Variants in CNTNAP2 observed in about 807,000 individuals in gnomAD.
CNTNAP2 encodes contactin-associated protein-like 2.
Under a neutral mutation model 155.2 loss-of-function variants are expected in CNTNAP2, and 98 were observed. That is an observed-to-expected ratio of 0.63 (90% confidence interval 0.54 to 0.75). The LOEUF is 0.75. Ranked by LOEUF, CNTNAP2 falls within the 30% of genes least tolerant of loss-of-function variation. CNTNAP2 has a pLI of 0.00. For missense variants in CNTNAP2, 1,727 were observed against 1,688.1 expected, an observed-to-expected ratio of 1.02 and a Z score of -0.40; for synonymous variants, 651 against 631.2, an observed-to-expected ratio of 1.03 and a Z score of -0.47.
chr7:146,641,617 A>G (rs1425955688), intron 1 of CNTNAP2, among the ~76,000 whole-genome samples: 1 of 152,166 alleles, frequency 6.6e-6, no homozygotes, highest in Non-Finnish European at 1.5e-5. Flanking sequence ...TATGTGGGGT[A>G]ATGGAAGGCA....
chr7:147,133,751 T>C (rs1347722119), intron 8 of CNTNAP2, among the ~76,000 whole-genome samples: 1 of 152,036 alleles, frequency 6.6e-6, no homozygotes, highest in Non-Finnish European at 1.5e-5. Context: ...GGTCTATTAC[T>C]GAAAAGGATT....
chr7:147,006,881 G>T (rs2129242700), intron 3 of CNTNAP2, among the ~76,000 whole-genome samples: 1 of 152,122 alleles, frequency 6.6e-6, no homozygotes, highest in South Asian at 2.1e-4. Flanking sequence ...TTCAGCAATG[G>T]CAATGTTTAT....
chr7:147,308,618 C>T (rs796326015), intron 9 of CNTNAP2, among the ~76,000 whole-genome samples: 4 of 152,276 alleles, frequency 2.6e-5, no homozygotes, highest in African/African-American at 9.6e-5. Context: ...TCCCCTTTCA[C>T]AATTTGAGGT....
intron 15 of CNTNAP2, among the ~76,000 whole-genome samples, chr7:147,997,483 G>A (rs1028678102): frequency 4.6e-5 from 7 of 151,874 alleles, no homozygotes; most frequent in Admixed American, 2.6e-4. Context: ...CTTGAACCGG[G>A]AGGCGGAGGT....
At chr7:146,483,278 AAAAAATATATATAT>A (rs1278829556) in intron 1 of CNTNAP2, among the ~76,000 whole-genome samples, 9 of 57,444 alleles carry the variant, frequency 1.6e-4, no homozygotes, top group South Asian at 5.6e-4. Context: ...TCCGTCTAAA[AAAAAATATATATAT>A]ATATATATAT....
intron 1 of CNTNAP2, among the ~76,000 whole-genome samples, chr7:146,422,063 A>G (rs1007477645): frequency 1.3e-5 from 2 of 151,588 alleles, no homozygotes; most frequent in Non-Finnish European, 2.9e-5. Flanking sequence ...TAGTATTTTC[A>G]CATCAACTGT....
chr7:146,878,816 C>T (rs940364353), intron 3 of CNTNAP2, among the ~76,000 whole-genome samples: 1 of 152,130 alleles, frequency 6.6e-6, no homozygotes, highest in Non-Finnish European at 1.5e-5. Flanking sequence ...TTTCTTCCAC[C>T]CTCTCCACTC....
intron 13 of CNTNAP2, among the ~76,000 whole-genome samples, chr7:147,752,179 C>T (rs1036631715): frequency 2.0e-5 from 3 of 152,180 alleles, no homozygotes; most frequent in Admixed American, 6.5e-5. Context: ...TAACTGACTT[C>T]CTTTTTAATT....
chr7:147,971,627 T>G (rs1422778617), intron 14 of CNTNAP2, among the ~76,000 whole-genome samples: 1 of 152,238 alleles, frequency 6.6e-6, no homozygotes, highest in East Asian at 1.9e-4. Context: ...TGTATTCAGA[T>G]TTCATTCCTC....
chr7:147,137,839 T>C (rs1262630934), intron 8 of CNTNAP2, among the ~76,000 whole-genome samples: 1 of 151,302 alleles, frequency 6.6e-6, no homozygotes, highest in African/African-American at 2.4e-5. Flanking sequence ...ATTGGATAGA[T>C]AAGTAGATAA....
chr7:147,402,733 A>T (rs1326220706), intron 10 of CNTNAP2, among the ~76,000 whole-genome samples: 3 of 152,150 alleles, frequency 2.0e-5, no homozygotes, highest in African/African-American at 7.2e-5. Context: ...GGCATTAGGG[A>T]CAGCTTCCTT....
chr7:147,839,222 C>A (rs1033896874), intron 13 of CNTNAP2, among the ~76,000 whole-genome samples: 10 of 152,138 alleles, frequency 6.6e-5, no homozygotes, highest in African/African-American at 2.4e-4. Flanking sequence ...TCTGCCTTCC[C>A]CAGTCCATTG....
chr7:147,030,883 CA>C (rs994205996), intron 3 of CNTNAP2, among the ~76,000 whole-genome samples: 3 of 151,924 alleles, frequency 2.0e-5, no homozygotes, highest in African/African-American at 7.3e-5. Context: ...GACCCTGCCT[CA>C]AAAAATATAT....
rs1295698890 is a variant in CNTNAP2 at position 148,174,880 on chromosome 7, T to C, written c.3010+2402T>C. Among the ~76,000 whole-genome samples, 3 of 152,038 alleles carry C rather than the reference T, an allele frequency of 2.0e-5. No homozygotes were observed. The East Asian group carries it at 5.8e-4, about 29-fold the overall frequency. On this transcript the variant is annotated intron_variant, in intron 18 of 23. Coordinates refer to ENST00000361727, the MANE Select transcript of CNTNAP2 (RefSeq NM_014141.6). ...GGTTTTAAGCCCCATATACATTAGG[T>C]ATTTGTCCTAATGCTCTCTCTCCCC...
At chr7:147,562,103 T>C (rs750170070) in intron 11 of CNTNAP2, 35 bp from the exon 12 acceptor site, 1 of 1,613,464 alleles carries the variant, frequency 6.2e-7, no homozygotes, top group East Asian at 2.2e-5. Context: ...ATTTGTTCTG[T>C]GCTGTGCTTA....
At chr7:147,646,774 C>T (rs1283720243) in intron 13 of CNTNAP2, among the ~76,000 whole-genome samples, 1 of 152,076 alleles carries the variant, frequency 6.6e-6, no homozygotes, top group Non-Finnish European at 1.5e-5. Flanking sequence ...CAAAGCAAGT[C>T]ACATGTTTTG....
chr7:147,944,207 A>G (rs1800779780), intron 14 of CNTNAP2, among the ~76,000 whole-genome samples: 1 of 152,220 alleles, frequency 6.6e-6, no homozygotes, highest in African/African-American at 2.4e-5. Context: ...TCAGATCAGC[A>G]TAAGAACTTT....
chr7:146,203,117 G>A (rs1027417569), intron 1 of CNTNAP2, among the ~76,000 whole-genome samples: 2 of 151,802 alleles, frequency 1.3e-5, no homozygotes, highest in African/African-American at 4.9e-5. Context: ...TTGTGACCAA[G>A]TGAGCTTGGG....
intron 13 of CNTNAP2, among the ~76,000 whole-genome samples, chr7:147,798,149 G>A (rs749704057): frequency 5.9e-5 from 9 of 152,058 alleles, no homozygotes; most frequent in Non-Finnish European, 8.8e-5. Context: ...CACAGTGCAC[G>A]GAGAACTTCA....
Sources: gnomAD v4.1 joint callset for allele counts (sites outside exome capture counted in the v4.1 genomes callset) on GRCh38, gnomAD v4.1.1 for gene constraint, MANE v1.5 for transcripts, NCBI Gene and HGNC (gene_info 2026-07-23, HGNC 2026-07-21) for gene names.